CFAP20DC: variants seen among roughly 807,000 people sequenced by gnomAD.
CFAP20DC encodes protein CFAP20DC.
CFAP20DC carries 84 observed loss-of-function variants against 101.7 expected under a neutral mutation model. The ratio of observed to expected loss-of-function variants is 0.83; its 90% CI spans 0.69 to 0.99. The LOEUF (loss-of-function observed/expected upper bound fraction) is 0.99. Among genes scored for constraint, CFAP20DC ranks in the 50% least tolerant of loss-of-function variants. The pLI, the probability that CFAP20DC is intolerant of heterozygous loss-of-function variation, is 0.00. For missense variants in CFAP20DC, 1,007 were observed against 970.3 expected (o/e 1.04, Z -0.50); for synonymous variants, 359 against 351.2 (o/e 1.02, Z -0.25).
At chr3:58,778,202 G>A (rs978567916) in intron 15 of CFAP20DC, among the ~76,000 whole-genome samples, 3 of 152,134 alleles carry the variant, frequency 2.0e-5, no homozygotes, top group African/African-American at 7.2e-5. Flanking sequence ...TTTTGCCAGT[G>A]GCCTGAGGAT....
At chr3:58,750,175 C>G (rs1434865271) in intron 16 of CFAP20DC, among the ~76,000 whole-genome samples, 3 of 152,182 alleles carry the variant, frequency 2.0e-5, no homozygotes, top group Non-Finnish European at 4.4e-5. Context: ...GGGACAGGAA[C>G]CTCTGACTCA....
rs1023287106 is a variant in CFAP20DC at position 58,882,185 on chromosome 3, C to G, written c.715+2360G>C. Among the ~76,000 whole-genome samples, 2 of 152,228 alleles carry G rather than the reference C, an allele frequency of 1.3e-5. No homozygotes were observed. Among genetic ancestry groups the G allele is most frequent in the South Asian group, 4.1e-4 (2 of 4,824 alleles). On this transcript the variant is annotated intron_variant, in intron 7 of 16. Transcript: ENST00000482387. The surrounding 1 kb of genome is among the most constrained non-coding windows in gnomAD (Gnocchi z 4.2). The stretch of plus-strand genomic sequence containing the variant: ...CTGTATATATGACTCAAGTTCACTA[C>G]TATGCATTGAGAGCCCTTTTATGGA...
intron 6 of CFAP20DC, among the ~76,000 whole-genome samples, chr3:58,888,570 C>A (rs928910210): frequency 2.0e-5 from 3 of 152,170 alleles, no homozygotes; most frequent in African/African-American, 7.2e-5. Flanking sequence ...TTTCCCCAAC[C>A]CCTGACAAGC....
rs535780066 is a variant in CFAP20DC, at chr3:58,967,898, T to C, written c.279-30136A>G. Among the ~76,000 whole-genome samples the C allele has an allele frequency of 4.6e-5, 7 of 152,298 alleles. No homozygotes were observed. In the East Asian group the frequency reaches 1.4e-3, roughly 29 times the overall value. The stretch of plus-strand genomic sequence containing the variant: ...TCAAGTAGACCCCAGTGTCTGTTGT[T>C]TCCTTCTTTGTGTTCATAAGGTCTC... On this transcript the variant is annotated intron_variant, in intron 4 of 16. Coordinates refer to ENST00000482387, the MANE Select transcript of CFAP20DC (RefSeq NM_001394063.1).
chr3:58,730,018 CAAAAAAA>C (rs769033730), intron 3 of CFAP20DC, among the ~76,000 whole-genome samples: 24 of 53,510 alleles, frequency 4.5e-4, no homozygotes, highest in Admixed American at 4.0e-3. Flanking sequence ...AACCTGTCTC[CAAAAAAA>C]AAAAAAAAAA....
downstream of CFAP20DC, among the ~76,000 whole-genome samples, chr3:58,738,766 T>G: frequency 6.7e-6 from 1 of 148,200 alleles, no homozygotes; most frequent in East Asian, 1.9e-4. This position sits in a 1 kb window ranked among gnomAD's most constrained non-coding sequence, Gnocchi z 4.4. Flanking sequence ...AAGGTGATTC[T>G]TAATTTTCAT....
In CFAP20DC at chr3:58,971,099, C is replaced by T. The variant is rs189043640; in HGVS notation, c.279-33337G>A. On this transcript the variant is annotated intron_variant, in intron 4 of 16. Transcript: ENST00000482387. The surrounding 1 kb of genome is among the most constrained non-coding windows in gnomAD (Gnocchi z 4.1). ...TTTTAGGAGATATCAAGCACTGTAA[C>T]CTTTTGTTAATACACAGATGTAGGA... Among the ~76,000 whole-genome samples the T allele has an allele frequency of 5.3e-5, 8 of 152,268 alleles. No individual in the cohort carries two copies. Among genetic ancestry groups the T allele is most frequent in the African/African-American group, 9.6e-5 (4 of 41,566 alleles).
At chr3:58,777,471 G>A (rs1374587202) in intron 15 of CFAP20DC, among the ~76,000 whole-genome samples, 1 of 152,130 alleles carries the variant, frequency 6.6e-6, no homozygotes, top group African/African-American at 2.4e-5. Flanking sequence ...AGATATTTGG[G>A]TTCCACAGCA....
At chr3:58,760,381 T>C (rs569625908) in intron 15 of CFAP20DC, among the ~76,000 whole-genome samples, 1 of 152,332 alleles carries the variant, frequency 6.6e-6, no homozygotes, top group Non-Finnish European at 1.5e-5. Context: ...TGCACATCGA[T>C]TTTGTATCCT....
chr3:59,039,747 A>C, intron 3 of CFAP20DC, 118 bp from the exon 4 acceptor site: 1 of 563,130 alleles, frequency 1.8e-6, no homozygotes, highest in South Asian at 2.8e-5. Flanking sequence ...AATACATAGA[A>C]CTGCAAATAG....
intron 16 of CFAP20DC, among the ~76,000 whole-genome samples, chr3:58,745,337 A>G (rs1218791217): frequency 6.6e-6 from 1 of 152,176 alleles, no homozygotes; most frequent in African/African-American, 2.4e-5. Context: ...AGCTGGGCAT[A>G]GTCTAGTTGT....
chr3:58,935,854 T>C (rs2087500928), intron 5 of CFAP20DC, among the ~76,000 whole-genome samples: 3 of 152,152 alleles, frequency 2.0e-5, no homozygotes, highest in African/African-American at 2.4e-5. Flanking sequence ...ATTCAGGACA[T>C]AGGCATGGGC....
At position 58,742,154 on chromosome 3, in the gene CFAP20DC, A is replaced by G; in HGVS notation, c.*306T>C. The stretch of plus-strand genomic sequence containing the variant: ...AAAAAATTTGAATGAATAACTCTTA[A>G]TTTGTTTACATAAAATTATCTGAAA... On this transcript the variant is annotated 3_prime_UTR_variant, in exon 17 of 17. Transcript: ENST00000482387. 1 of 914,522 alleles carries G rather than the reference A, an allele frequency of 1.1e-6. No homozygotes were observed. The highest frequency in any genetic ancestry group is 5.4e-4 in the Middle Eastern group (1 of 1,850). The allele number at this position is 914,522 out of a possible 1,614,324, so 56.7% of individuals were successfully genotyped here. A position where few individuals can be genotyped will look rare whatever the true frequency, so the allele number is the denominator to read the frequency against.
chr3:58,901,014 G>A (rs1032656347), intron 6 of CFAP20DC, among the ~76,000 whole-genome samples: 2 of 152,098 alleles, frequency 1.3e-5, no homozygotes, highest in South Asian at 2.1e-4. Flanking sequence ...TTTGGTATAC[G>A]TCTCCTTCTA....
chr3:58,800,774 C>T (rs2073629407), intron 15 of CFAP20DC, among the ~76,000 whole-genome samples: 1 of 152,028 alleles, frequency 6.6e-6, no homozygotes, highest in Non-Finnish European at 1.5e-5. Flanking sequence ...GGCCTCTCAT[C>T]AAAACACAAT....
At chr3:58,821,808 G>C (rs2075667533) in intron 14 of CFAP20DC, among the ~76,000 whole-genome samples, 1 of 141,736 alleles carries the variant, frequency 7.1e-6, no homozygotes, top group African/African-American at 2.7e-5. Flanking sequence ...TATACCCAAA[G>C]GACTATAAAT....
At chr3:58,800,273 C>T (rs898175377) in intron 15 of CFAP20DC, among the ~76,000 whole-genome samples, 1 of 152,124 alleles carries the variant, frequency 6.6e-6, no homozygotes, top group Non-Finnish European at 1.5e-5. Context: ...AGTATTTGCC[C>T]AGGTGAGAGG....
chr3:58,774,636 C>T (rs2071156507), intron 15 of CFAP20DC, among the ~76,000 whole-genome samples: 1 of 152,072 alleles, frequency 6.6e-6, no homozygotes, highest in Non-Finnish European at 1.5e-5. Context: ...AAAAGACACG[C>T]CAGGCAAAAA....
At chr3:59,031,240 C>T (rs2093989600) in intron 4 of CFAP20DC, among the ~76,000 whole-genome samples, 2 of 152,140 alleles carry the variant, frequency 1.3e-5, no homozygotes, top group African/African-American at 4.8e-5. Context: ...GGCTCATCGG[C>T]AAAAGATTCT....
Sources: gnomAD v4.1 joint callset for allele counts (sites outside exome capture counted in the v4.1 genomes callset) on GRCh38, gnomAD v4.1.1 for gene constraint, Gnocchi (gnomAD v3.1) non-coding constraint, MANE v1.5 for transcripts, NCBI Gene and HGNC (gene_info 2026-07-23, HGNC 2026-07-21) for gene names.